The following KDM2B variants were observed in gnomAD, a reference collection of about 807,000 sequenced individuals.
KDM2B encodes the protein lysine-specific demethylase 2B.
KDM2B carries 26 observed loss-of-function variants against 150.0 expected under a neutral mutation model. The observed-to-expected ratio is 0.17, with a 90% CI of 0.13 to 0.24. The LOEUF (loss-of-function observed/expected upper bound fraction) is 0.24. KDM2B is among the 10% of genes least tolerant of loss of function. The probability of loss-of-function intolerance (pLI) is 1.00; values close to 1 mark genes in which losing one functional copy is unlikely to be tolerated. For missense variants in KDM2B, 1,265 were observed against 1,816.9 expected, an observed-to-expected ratio of 0.70 and a Z score of 5.52; for synonymous variants, 734 against 729.5, an observed-to-expected ratio of 1.01 and a Z score of -0.10.
chr12:121,579,123 G>A (rs1891736687), intron 1 of KDM2B, 177 bp from the exon 2 acceptor site: 2 of 690,942 alleles, frequency 2.9e-6, no homozygotes, highest in Non-Finnish European at 4.7e-6. Context: ...AAGGAGAGGG[G>A]CCCGCACCCC....
At chr12:121,416,058 A>G in the KDM2B span, 1 of 896,204 alleles carries the variant, frequency 1.1e-6, no homozygotes, top group Non-Finnish European at 1.8e-6. Flanking sequence ...TCTCAAAGTT[A>G]TTGAGGGCAA....
chr12:121,553,535 G>T (rs1226915966), intron 4 of KDM2B, among the ~76,000 whole-genome samples: 3 of 152,146 alleles, frequency 2.0e-5, no homozygotes, highest in African/African-American at 7.2e-5. Context: ...TGGCTTCTCT[G>T]GGAATCAGTT....
intron 11 of KDM2B, among the ~76,000 whole-genome samples, chr12:121,501,576 C>A (rs1486492098): frequency 2.6e-5 from 4 of 151,974 alleles, no homozygotes; most frequent in Non-Finnish European, 5.9e-5. Context: ...CTTCTGGCCC[C>A]CCAGGACTAT....
At chr12:121,454,941 CT>C (rs1877986548) in intron 12 of KDM2B, among the ~76,000 whole-genome samples, 1 of 152,188 alleles carries the variant, frequency 6.6e-6, no homozygotes, top group Non-Finnish European at 1.5e-5. Context: ...TTCCTAGAAA[CT>C]TCCAACTGCA....
chr12:121,553,175 G>A (rs1162727144), intron 4 of KDM2B, among the ~76,000 whole-genome samples: 2 of 151,578 alleles, frequency 1.3e-5, no homozygotes, highest in Non-Finnish European at 1.5e-5. Flanking sequence ...GGGTTGCAGC[G>A]AGCCGAGATC....
At position 121,463,251 on chromosome 12, in the gene KDM2B, G is replaced by T. The variant is rs540417566; in HGVS notation, c.1735-9907C>A. On this transcript the variant is annotated intron_variant, in intron 12 of 22. Transcript: ENST00000377071. ...AAATCGCTTGAACCCAGGAAGCAGA[G>T]ATTGCAGTGAGCTGAGATCGCGTCA... Among the ~76,000 whole-genome samples, 50 of 151,786 alleles carry T rather than the reference G, an allele frequency of 3.3e-4. 1 individual carries two copies. The highest frequency in any genetic ancestry group is 1.2e-3 in the African/African-American group (48 of 41,376).
intron 14 of KDM2B, 102 bp from the exon 15 acceptor site, chr12:121,444,638 T>C: frequency 1.1e-6 from 1 of 902,374 alleles, no homozygotes; most frequent in Non-Finnish European, 1.8e-6. Flanking sequence ...CAGCACCCCC[T>C]CCCCAACGTC....
At chr12:121,443,082 T>TG (rs3842645) in intron 17 of KDM2B, 52 bp from the exon 18 acceptor site, 195,367 of 1,568,072 alleles carry the variant, frequency 0.12, 16,591 homozygotes, top group African/African-American at 0.4. Flanking sequence ...TCGTGGGATT[T>TG]GGTCTCCTCG....
In KDM2B at chr12:121,452,986, A is replaced by C. The variant is rs1475563304; in HGVS notation, c.1959+134T>G. 2.5e-6 allele frequency: 2 copies of C among 799,226 alleles called. No homozygotes were observed. The highest frequency in any genetic ancestry group is 3.6e-5 in the African/African-American group (2 of 55,944). The allele number at this position is 799,226 out of a possible 1,614,324, so 49.5% of individuals were successfully genotyped here. Reference sequence around the variant, plus strand: ...CGGCCAGCGCCTTCCCGTCCACAGGAAGAGCTCTCGGGGAGTCCACAGCCC... The same window carrying C: ...CGGCCAGCGCCTTCCCGTCCACAGGCAGAGCTCTCGGGGAGTCCACAGCCC... On this transcript the variant is annotated intron_variant, in intron 13 of 22. Coordinates refer to ENST00000377071, the MANE Select transcript of KDM2B (RefSeq NM_032590.5). This position sits in a 1 kb window ranked among gnomAD's most constrained non-coding sequence, Gnocchi z 4.4.
chr12:121,447,813 G>A (rs1446638374), intron 13 of KDM2B, among the ~76,000 whole-genome samples: 1 of 151,550 alleles, frequency 6.6e-6, no homozygotes, highest in African/African-American at 2.4e-5. Flanking sequence ...GACTACAGGC[G>A]TGCTGGGTAA....
In KDM2B at chr12:121,495,270, C is replaced by T. The variant is rs1258415464; in HGVS notation, c.1648-605G>A. ...CTGCCTCTTGGGTTCAAGCGATTTC[C>T]CTGCCCCAGCCTCCCGAGTAGCTGT... On this transcript the variant is annotated intron_variant, in intron 11 of 22. Transcript: ENST00000377071. 2.6e-5 allele frequency among the ~76,000 whole-genome samples: 4 copies of T among 152,064 alleles called. No homozygotes were observed. In the East Asian group the frequency reaches 7.7e-4, roughly 29 times the overall value.
At chr12:121,516,523 G>A (rs1886209869) in intron 9 of KDM2B, 10 of 1,419,296 alleles carry the variant, frequency 7.0e-6, no homozygotes, top group East Asian at 3.2e-5. Flanking sequence ...CCACATGCCT[G>A]GGGACATTAA....
At chr12:121,546,446 G>A (rs1482882426) in intron 6 of KDM2B, among the ~76,000 whole-genome samples, 22 of 142,038 alleles carry the variant, frequency 1.5e-4, no homozygotes, top group East Asian at 6.5e-4. Context: ...GCAGTGGCGC[G>A]ATCTCGGCTC....
intron 12 of KDM2B, among the ~76,000 whole-genome samples, chr12:121,487,168 A>AGAAG (rs1330435381): frequency 6.6e-6 from 1 of 152,170 alleles, no homozygotes; most frequent in African/African-American, 2.4e-5. Flanking sequence ...AAGAAACAAA[A>AGAAG]GAAGGAAAGA....
upstream of KDM2B, among the ~76,000 whole-genome samples, chr12:121,581,422 C>G (rs919975384): frequency 3.9e-5 from 6 of 152,154 alleles, no homozygotes; most frequent in Admixed American, 1.3e-4. Context: ...GTCATTAGGT[C>G]CCTGTCCACT....
At chr12:121,416,400 TAAC>T in the KDM2B span, 10 of 1,455,578 alleles carry the variant, frequency 6.9e-6, no homozygotes, top group East Asian at 2.3e-5. Flanking sequence ...AAATGTTACA[TAAC>T]AACACACATG....
chr12:121,484,224 G>C (rs868954191), intron 12 of KDM2B, among the ~76,000 whole-genome samples: 2 of 152,306 alleles, frequency 1.3e-5, no homozygotes, highest in South Asian at 4.1e-4. Flanking sequence ...GGGTGAGGCG[G>C]CTGGGGAGGG....
intron 10 of KDM2B, among the ~76,000 whole-genome samples, chr12:121,512,735 C>G (rs1885698278): frequency 6.6e-6 from 1 of 152,164 alleles, no homozygotes; most frequent in Non-Finnish European, 1.5e-5. Context: ...GATGATGTCC[C>G]TTTAAGTACT....
At chr12:121,580,232 G>A (rs1594176687) in intron 1 of KDM2B, 1 of 1,174,374 alleles carries the variant, frequency 8.5e-7, no homozygotes, top group East Asian at 4.4e-5. Flanking sequence ...AAAGTCCTAG[G>A]AAACCATTTT....
Sources: allele counts gnomAD v4.1 joint callset (sites outside exome capture counted in the v4.1 genomes callset), GRCh38; gene constraint gnomAD v4.1.1; non-coding constraint Gnocchi (gnomAD v3.1); transcripts MANE v1.5; gene names NCBI Gene and HGNC (gene_info 2026-07-23, HGNC 2026-07-21).